TTBK2: variants seen among roughly 807,000 people sequenced by gnomAD.
TTBK2 encodes tau tubulin kinase 2.
Under a neutral mutation model 110.8 loss-of-function variants are expected in TTBK2, and 28 were observed. That is an observed-to-expected ratio of 0.25 (90% CI 0.19 to 0.35). TTBK2 has a LOEUF of 0.35. Ranked by LOEUF, TTBK2 falls within the 10% of genes least tolerant of loss-of-function variation. TTBK2 has a pLI of 1.00. For synonymous variants in TTBK2, 532 were observed against 527.3 expected, an observed-to-expected ratio of 1.01 and a Z score of -0.12; for missense variants, 1,369 against 1,500.3, an observed-to-expected ratio of 0.91 and a Z score of 1.45.
In TTBK2 at chr15:42,746,187, G is replaced by A. The variant is rs1254332939; in HGVS notation, c.3343C>T (p.Leu1115Phe). Reference protein sequence around the residue: ...SDLFSRLAQILQNGSQKPRST... With the variant: ...SDLFSRLAQIFQNGSQKPRST... ...CGGGGTTTCTGAGATCCATTTTGAAGAATTTGGGCCAGGCGGGAGAAAAGG... is the reference window on the plus strand; with the variant it reads ...CGGGGTTTCTGAGATCCATTTTGAAAAATTTGGGCCAGGCGGGAGAAAAGG... The change falls in exon 15 of 15, where the codon CTT becomes TTT. Residue 1115 changes from leucine to phenylalanine, a missense_variant. Coordinates refer to ENST00000267890, the MANE Select transcript of TTBK2 (RefSeq NM_173500.4). The A allele has an allele frequency of 6.2e-7, 1 of 1,614,056 alleles. No individual in the cohort carries two copies. The highest frequency in any genetic ancestry group is 1.3e-5 in the African/African-American group (1 of 74,912).
intron 1 of TTBK2, among the ~76,000 whole-genome samples, chr15:42,918,871 C>T (rs1046499816): frequency 2.0e-5 from 3 of 152,144 alleles, no homozygotes; most frequent in African/African-American, 4.8e-5. Flanking sequence ...TATGTATTAA[C>T]CATAGTACAA....
At chr15:42,798,724 AT>A (rs1891050968) in intron 9 of TTBK2, among the ~76,000 whole-genome samples, 1 of 152,224 alleles carries the variant, frequency 6.6e-6, no homozygotes, top group Non-Finnish European at 1.5e-5. Flanking sequence ...AAATATGCTT[AT>A]ACTTGGCTGC....
intron 1 of TTBK2, among the ~76,000 whole-genome samples, chr15:42,891,149 C>T (rs1049286021): frequency 7.3e-5 from 11 of 149,746 alleles, no homozygotes; most frequent in Non-Finnish European, 1.5e-4. Context: ...GCTGGGATTA[C>T]AGGCGTGAGC....
chr15:42,766,387 C>G (rs112406011), intron 13 of TTBK2, among the ~76,000 whole-genome samples: 8,527 of 137,148 alleles, frequency 0.062, 567 homozygotes, highest in African/African-American at 0.18. Context: ...CTCACGTGCA[C>G]AGACACACAT....
At chr15:42,849,451 C>A (rs1436579851) in intron 3 of TTBK2, among the ~76,000 whole-genome samples, 1 of 152,102 alleles carries the variant, frequency 6.6e-6, no homozygotes, top group East Asian at 1.9e-4. Flanking sequence ...CTAGCATTGG[C>A]ATCTATGTTC....
At chr15:42,855,520 A>C (rs558353716) in intron 3 of TTBK2, among the ~76,000 whole-genome samples, 1 of 152,362 alleles carries the variant, frequency 6.6e-6, no homozygotes, top group South Asian at 2.1e-4. Flanking sequence ...AAGCCAATGC[A>C]AAAGAGCTTC....
intron 1 of TTBK2, among the ~76,000 whole-genome samples, chr15:42,886,123 C>CTGAGTT (rs1354206345): frequency 1.3e-5 from 2 of 152,160 alleles, no homozygotes; most frequent in Admixed American, 6.6e-5. Context: ...CCTTCAGTCT[C>CTGAGTT]CACCCCAAGC....
At chr15:42,868,777 G>A (rs116738094) in intron 3 of TTBK2, among the ~76,000 whole-genome samples, 5,600 of 151,874 alleles carry the variant, frequency 0.037, 334 homozygotes, top group African/African-American at 0.12. Context: ...CCAGAGGACT[G>A]GTTGAGCCAC....
intron 9 of TTBK2, among the ~76,000 whole-genome samples, chr15:42,800,748 A>T (rs1891149951): frequency 6.7e-6 from 1 of 149,132 alleles, no homozygotes; most frequent in South Asian, 2.1e-4. Flanking sequence ...GAGCTAGCCG[A>T]GGTTTATTTT....
Position 42,885,811 on chromosome 15 carries a change from C to T in TTBK2, c.-67-7127G>A, listed in dbSNP as rs557539352. ...CACCCTCCATTCCTCCTTCTTCTCC[C>T]TTAGCCTGTGTTCTCAAGAACTTAA... On this transcript the variant is annotated intron_variant, in intron 1 of 14. Coordinates refer to ENST00000267890, the MANE Select transcript of TTBK2 (RefSeq NM_173500.4). Among the ~76,000 whole-genome samples the T allele has an allele frequency of 8.5e-5, 13 of 152,252 alleles. No homozygotes were observed. In the East Asian group the frequency reaches 2.1e-3, roughly 25 times the overall value.
chr15:42,860,823 A>G (rs959282298), intron 3 of TTBK2, among the ~76,000 whole-genome samples: 4 of 151,394 alleles, frequency 2.6e-5, no homozygotes, highest in Non-Finnish European at 5.9e-5. Context: ...AACTTTTTGT[A>G]TTTCTAGTAG....
intron 13 of TTBK2, among the ~76,000 whole-genome samples, chr15:42,762,293 C>T (rs2140662552): frequency 6.6e-6 from 1 of 152,324 alleles, no homozygotes; most frequent in Admixed American, 6.5e-5. Flanking sequence ...TACAATTCAG[C>T]AATCCCACTA....
At chr15:42,860,344 A>C (rs1409671788) in intron 3 of TTBK2, among the ~76,000 whole-genome samples, 1 of 152,142 alleles carries the variant, frequency 6.6e-6, no homozygotes, top group Non-Finnish European at 1.5e-5. Flanking sequence ...ATCAAAGATA[A>C]AGAAACAATT....
Position 42,752,164 on chromosome 15 carries a change from C to T in TTBK2, c.3082G>A (p.Val1028Ile), listed in dbSNP as rs1162153669. The change falls in exon 14 of 15, where the codon GTA (valine) becomes ATA (isoleucine). Residue 1028 changes from valine to isoleucine, a missense_variant. By Grantham distance (29) the Val-to-Ile change is conservative (BLOSUM62 3). Coordinates refer to ENST00000267890, the MANE Select transcript of TTBK2 (RefSeq NM_173500.4). ...GCTGACCTACTCAGGTGAGAATCTA[C>T]TGTCAGTCTTGAAAAGGGAGTGAGC... is the stretch of plus-strand genomic sequence containing the variant. ...EVLTPFSRLT[V>I]DSHLSRSAED... 3.7e-6 allele frequency: 6 copies of T among 1,614,078 alleles called. No homozygotes were observed. The highest frequency in any genetic ancestry group is 1.6e-4 in the Middle Eastern group (1 of 6,084).
chr15:42,858,791 G>A (rs1894043260), intron 3 of TTBK2, among the ~76,000 whole-genome samples: 2 of 152,140 alleles, frequency 1.3e-5, no homozygotes, highest in Admixed American at 1.3e-4. Context: ...TGGAGGCTAG[G>A]TGTCAACAAG....
intron 9 of TTBK2, among the ~76,000 whole-genome samples, chr15:42,807,591 T>TTTGTTG (rs59708577): frequency 0.37 from 56,256 of 150,592 alleles, 12,048 homozygotes; most frequent in African/African-American, 0.59. Context: ...TTTGTTGTTT[T>TTTGTTG]TTGTTGTTGT....
chr15:42,896,086 G>C (rs1895655352), intron 1 of TTBK2, among the ~76,000 whole-genome samples: 1 of 152,116 alleles, frequency 6.6e-6, no homozygotes, highest in African/African-American at 2.4e-5. Context: ...AACACTTTGG[G>C]AGGCCGAGGC....
chr15:42,871,470 TAGG>T, intron 3 of TTBK2: 1 of 985,150 alleles, frequency 1.0e-6, no homozygotes, highest in Non-Finnish European at 1.2e-6. Flanking sequence ...TGGAGCCAAG[TAGG>T]AGAAAGGTGA....
chr15:42,744,826 C>G lies in TTBK2; in HGVS notation c.*969G>C, dbSNP rs1345666566. On this transcript the variant is annotated 3_prime_UTR_variant, in exon 15 of 15. Coordinates refer to ENST00000267890, the MANE Select transcript of TTBK2 (RefSeq NM_173500.4). ...TCACAGTCCAAAGCATTGTGCTTCC[C>G]TCGTATCATCTTGGATGCTGATATT... The G allele has an allele frequency of 6.6e-6, 1 of 152,414 alleles. No individual in the cohort carries two copies. The highest frequency in any genetic ancestry group is 1.9e-4 in the East Asian group (1 of 5,200). 9.4% of individuals were successfully genotyped at this position (152,414 alleles called of 1,614,324 possible). A position where few individuals can be genotyped will look rare whatever the true frequency, so the allele number is the denominator to read the frequency against.
Sources: gnomAD v4.1 joint callset for allele counts (sites outside exome capture counted in the v4.1 genomes callset) on GRCh38, gnomAD v4.1.1 for gene constraint, MANE v1.5 for transcripts, NCBI Gene and HGNC (gene_info 2026-07-23, HGNC 2026-07-21) for gene names.